TSG101: variants seen among roughly 807,000 people sequenced by gnomAD.
TSG101 encodes tumor susceptibility gene 101 protein.
In TSG101, 19 loss-of-function variants were observed where a neutral mutation model predicts 48.5. That is an observed-to-expected ratio of 0.39 (90% confidence interval 0.27 to 0.58). TSG101 has a LOEUF of 0.58. Ranked by LOEUF, TSG101 falls within the 20% of genes least tolerant of loss-of-function variation. The pLI is 0.55. For missense variants in TSG101, 365 were observed against 484.4 expected (o/e 0.75, Z 2.31); for synonymous variants, 174 against 169.4 (o/e 1.03, Z -0.21).
intron 7 of TSG101, among the ~76,000 whole-genome samples, chr11:18,487,646 A>C (rs1849639028): frequency 6.6e-6 from 1 of 152,178 alleles, no homozygotes; most frequent in South Asian, 2.1e-4. Context: ...GATTACAGGC[A>C]TGAGCCACTG....
chr11:18,483,117 TAGTA>T (rs1436629621), intron 8 of TSG101, among the ~76,000 whole-genome samples: 5 of 152,054 alleles, frequency 3.3e-5, no homozygotes, highest in African/African-American at 7.2e-5. Context: ...ATTCTCGTGA[TAGTA>T]AGTCTCACAA....
intron 7 of TSG101, among the ~76,000 whole-genome samples, chr11:18,497,711 A>G: frequency 6.6e-6 from 1 of 152,226 alleles, no homozygotes; most frequent in East Asian, 1.9e-4. Context: ...CTGAACCAAA[A>G]TAAGAGAGCT....
intron 1 of TSG101, among the ~76,000 whole-genome samples, chr11:18,523,182 C>T (rs528721792): frequency 6.6e-6 from 1 of 152,238 alleles, no homozygotes; most frequent in African/African-American, 2.4e-5. Flanking sequence ...GGTGTAAGCC[C>T]CATGTCAAGC....
intron 5 of TSG101, among the ~76,000 whole-genome samples, chr11:18,508,086 T>C (rs1850004505): frequency 7.4e-6 from 1 of 134,630 alleles, no homozygotes; most frequent in Non-Finnish European, 1.6e-5. Flanking sequence ...AGAGCGAGAC[T>C]CTGTCTCAAA....
At chr11:18,506,499 T>G (rs995497571) in intron 6 of TSG101, among the ~76,000 whole-genome samples, 1 of 151,884 alleles carries the variant, frequency 6.6e-6, no homozygotes, top group Non-Finnish European at 1.5e-5. Flanking sequence ...GAGACCAGCC[T>G]GGCCAACATG....
At chr11:18,485,626 G>A (rs902464660) in intron 7 of TSG101, among the ~76,000 whole-genome samples, 10 of 152,144 alleles carry the variant, frequency 6.6e-5, no homozygotes, top group East Asian at 1.9e-4. Context: ...ATATATGAGC[G>A]CTCTCCAAAA....
At chr11:18,483,632 G>A (rs917879024) in intron 8 of TSG101, among the ~76,000 whole-genome samples, 3 of 151,840 alleles carry the variant, frequency 2.0e-5, no homozygotes, top group African/African-American at 7.3e-5. Context: ...GTGTGAAAAC[G>A]AACTAATACA....
At chr11:18,526,687 G>C (rs2133938235) in intron 1 of TSG101, 88 bp downstream of exon 1, 1 of 1,502,328 alleles carries the variant, frequency 6.7e-7, no homozygotes, top group South Asian at 1.2e-5. Context: ...CGTCTGGGAA[G>C]CTTGCTTGGC....
rs751400127 is a variant in TSG101 at position 18,481,603 on chromosome 11, A to G, written c.1083+27T>C. On this transcript the variant is annotated intron_variant, in intron 9 of 9. Transcript: ENST00000251968. ...GTGCCTCTACAACCCAAGTTAAAAAATCTTGGAACGTAAAATGAAGAAATA... is the reference window on the plus strand; with the variant it reads ...GTGCCTCTACAACCCAAGTTAAAAAGTCTTGGAACGTAAAATGAAGAAATA... 1.2e-5 allele frequency: 19 copies of G among 1,601,950 alleles called. No individual in the cohort carries two copies. The Middle Eastern group carries it at 6.7e-4, about 56-fold the overall frequency.
intron 9 of TSG101, chr11:18,481,315 T>C (rs1241280447): frequency 1.0e-6 from 1 of 985,316 alleles, no homozygotes; most frequent in African/African-American, 1.7e-5. Context: ...TTAGGTGGTA[T>C]GACCTCAAAG....
rs543758568 is a variant in TSG101 at position 18,505,787 on chromosome 11, T to G, written c.548+1070A>C. Among the ~76,000 whole-genome samples the G allele has an allele frequency of 6.4e-4, 97 of 152,266 alleles. No individual in the cohort carries two copies. The South Asian group carries it at 0.01, about 16-fold the overall frequency. On this transcript the variant is annotated intron_variant, in intron 6 of 9. Coordinates refer to ENST00000251968, the MANE Select transcript of TSG101 (RefSeq NM_006292.4). ...TGACCCCATTATCTGAACCATTAATTGATTCCTGCAATGTATAGAAAAGAT... is the reference window on the plus strand; with the variant it reads ...TGACCCCATTATCTGAACCATTAATGGATTCCTGCAATGTATAGAAAAGAT...
Position 18,521,360 on chromosome 11 carries a change from T to C in TSG101, c.43-1757A>G, listed in dbSNP as rs999710973. Among the ~76,000 whole-genome samples the C allele has an allele frequency of 5.8e-5, 5 of 85,990 alleles. 1 individual carries two copies. The highest frequency in any genetic ancestry group is 1.7e-4 in the African/African-American group (4 of 23,938). 56.4% of individuals were successfully genotyped at this position (85,990 alleles called of 152,430 possible). A position where few individuals can be genotyped will look rare whatever the true frequency, so the allele number is the denominator to read the frequency against. On this transcript the variant is annotated intron_variant, in intron 1 of 9. Transcript: ENST00000251968. ...AGCAATATTTGACCAAACTGATTCC[T>C]TTTTTTTTTTTTTTTTTTTTTTTTT...
chr11:18,491,999 T>C (rs973945971), intron 7 of TSG101, among the ~76,000 whole-genome samples: 4 of 152,242 alleles, frequency 2.6e-5, no homozygotes, highest in African/African-American at 9.6e-5. Flanking sequence ...TAATTTCTTA[T>C]ACTGTACTTA....
At chr11:18,511,245 G>A (rs971070304) in intron 4 of TSG101, 1 of 152,160 alleles carries the variant, frequency 6.6e-6, no homozygotes, top group Admixed American at 6.5e-5. Flanking sequence ...AGTCTCCCAA[G>A]TAGTCAGGAT....
chr11:18,520,633 T>C (rs959575660), intron 1 of TSG101, among the ~76,000 whole-genome samples: 1 of 152,242 alleles, frequency 6.6e-6, no homozygotes, highest in African/African-American at 2.4e-5. Context: ...TCATTTGTCC[T>C]ACAGAGGCTC....
At chr11:18,492,427 TG>T (rs1234526014) in intron 7 of TSG101, among the ~76,000 whole-genome samples, 7 of 152,362 alleles carry the variant, frequency 4.6e-5, no homozygotes, top group African/African-American at 1.7e-4. Context: ...CTATTATATC[TG>T]GTCTAATGGG....
chr11:18,492,223 G>C (rs1849708942), intron 7 of TSG101, among the ~76,000 whole-genome samples: 1 of 152,178 alleles, frequency 6.6e-6, no homozygotes, highest in Non-Finnish European at 1.5e-5. Context: ...GTTCTTGTGA[G>C]ACAGGAAGGA....
At chr11:18,489,628 A>G (rs896765696) in intron 7 of TSG101, among the ~76,000 whole-genome samples, 3 of 152,204 alleles carry the variant, frequency 2.0e-5, no homozygotes, top group Admixed American at 6.5e-5. Context: ...ATCTGCCACA[A>G]AGAATTTAAA....
intron 7 of TSG101, among the ~76,000 whole-genome samples, chr11:18,499,402 A>ATATATATATTTTTTTTTT: frequency 7.3e-4 from 4 of 5,452 alleles, no homozygotes; most frequent in East Asian, 9.1e-3. Flanking sequence ...ATATATATAT[A>ATATATATATTTTTTTTTT]TTTTTTTTTT....
Sources: allele counts gnomAD v4.1 joint callset (sites outside exome capture counted in the v4.1 genomes callset), GRCh38; gene constraint gnomAD v4.1.1; transcripts MANE v1.5; gene names NCBI Gene and HGNC (gene_info 2026-07-23, HGNC 2026-07-21).